The following PTPRJ variants were observed in gnomAD, a reference collection of about 807,000 sequenced individuals.
PTPRJ encodes protein tyrosine phosphatase receptor type J.
PTPRJ carries 129 observed loss-of-function variants against 141.3 expected under a neutral mutation model. That is an observed-to-expected ratio of 0.91 (90% confidence interval 0.79 to 1.06). PTPRJ has a LOEUF of 1.06. Among genes scored for constraint, PTPRJ ranks in the 50% least tolerant of loss-of-function variants. The pLI is 0.00. For missense variants in PTPRJ, 1,601 were observed against 1,679.7 expected, an observed-to-expected ratio of 0.95 and a Z score of 0.82; for synonymous variants, 610 against 640.5, an observed-to-expected ratio of 0.95 and a Z score of 0.72.
intron 1 of PTPRJ, among the ~76,000 whole-genome samples, chr11:48,101,056 C>T (rs1459717090): frequency 1.3e-5 from 2 of 152,144 alleles, no homozygotes; most frequent in African/African-American, 4.8e-5. Flanking sequence ...ATCCCGCTGT[C>T]CTCAAAGTTC....
chr11:47,982,576 TAAAACA>T (rs1448952943), intron 1 of PTPRJ, among the ~76,000 whole-genome samples: 1 of 151,944 alleles, frequency 6.6e-6, no homozygotes, highest in Non-Finnish European at 1.5e-5. Flanking sequence ...AAGTTTATGC[TAAAACA>T]AAAACCACAA....
chr11:47,981,663 C>T (rs1421510825), intron 1 of PTPRJ, among the ~76,000 whole-genome samples: 1 of 152,216 alleles, frequency 6.6e-6, no homozygotes, highest in Non-Finnish European at 1.5e-5. Flanking sequence ...TGGGCGCTGG[C>T]TCCCCCTCCC....
rs869194701 is a variant in PTPRJ, at chr11:47,988,879, GTTTTTTTTTTTTT to G, written c.96+7885_96+7897del. 8.9e-4 allele frequency among the ~76,000 whole-genome samples: 68 copies of G among 76,340 alleles called. 1 individual carries two copies. The highest frequency in any genetic ancestry group is 9.0e-4 in the Non-Finnish European group (37 of 41,022). The allele number at this position is 76,340 out of a possible 152,430, so 50.1% of individuals were successfully genotyped here. The stretch of plus-strand genomic sequence containing the variant: ...TCTGAAAGGTGAAAAATTGTATCTT[GTTTTTTTTTTTTT>G]TTTTTTTTTTTTTGAGACGGAGTCT... On this transcript the variant is annotated intron_variant, in intron 1 of 24. Transcript: ENST00000418331.
At chr11:48,064,228 G>T (rs1855016484) in intron 1 of PTPRJ, among the ~76,000 whole-genome samples, 2 of 152,036 alleles carry the variant, frequency 1.3e-5, no homozygotes, top group African/African-American at 4.8e-5. Context: ...AATGGGTCCT[G>T]TTTCTTCTTC....
Position 48,041,877 on chromosome 11 carries a change from T to G in PTPRJ, c.96+60869T>G, listed in dbSNP as rs556782036. 6.6e-5 allele frequency among the ~76,000 whole-genome samples: 10 copies of G among 151,308 alleles called. No individual in the cohort carries two copies. In the South Asian group the frequency reaches 2.1e-3, roughly 32 times the overall value. ...ATTGGCCTGACTCAGCCTCCCAAAG[T>G]GTTGGGATTACAGGTATGAGCTACC... On this transcript the variant is annotated intron_variant, in intron 1 of 24. Transcript: ENST00000418331.
At chr11:48,145,787 G>C (rs1857337064) in intron 14 of PTPRJ, among the ~76,000 whole-genome samples, 1 of 152,058 alleles carries the variant, frequency 6.6e-6, no homozygotes. Flanking sequence ...TCGAACTCCT[G>C]ACCTCAGGTG....
At chr11:47,991,711 C>T (rs775736536) in intron 1 of PTPRJ, among the ~76,000 whole-genome samples, 1 of 152,098 alleles carries the variant, frequency 6.6e-6, no homozygotes. Flanking sequence ...GCTTAGTGCA[C>T]GGGCTTTGGA....
In PTPRJ at chr11:48,165,917, G is replaced by A. The variant is rs112911100; in HGVS notation, c.3856-1287G>A. Among the ~76,000 whole-genome samples, 1,171 of 151,484 alleles carry A rather than the reference G, an allele frequency of 7.7e-3. 17 individuals carry two copies. Among genetic ancestry groups the A allele is most frequent in the African/African-American group, 0.027 (1,130 of 41,120 alleles). ...TGCTCTGTCACCGGGCTGGATTGCA[G>A]TGGTGCGATCTCGGCTCACTGCAAC... On this transcript the variant is annotated intron_variant, in intron 24 of 24. Transcript: ENST00000418331.
chr11:48,126,955 C>G (rs1856852125), intron 6 of PTPRJ, among the ~76,000 whole-genome samples: 1 of 152,188 alleles, frequency 6.6e-6, no homozygotes, highest in Non-Finnish European at 1.5e-5. Flanking sequence ...ACCTCTAGGG[C>G]TGAAGGGCTA....
At position 48,130,408 on chromosome 11, in the gene PTPRJ, G is replaced by A. The variant is rs750066365; in HGVS notation, c.1358-51G>A. 6 of 1,537,624 alleles carry A rather than the reference G, an allele frequency of 3.9e-6. No homozygotes were observed. The South Asian group carries it at 7.4e-5, about 19-fold the overall frequency. ...GTATTTTCTGAGGTGGGGCATCCCT[G>A]TCTCCTGGAGAAGTATATTTTTAAT... On this transcript the variant is annotated intron_variant, in intron 7 of 24. Coordinates refer to ENST00000418331, the MANE Select transcript of PTPRJ (RefSeq NM_002843.4).
intron 1 of PTPRJ, among the ~76,000 whole-genome samples, chr11:48,088,864 A>G (rs1189562314): frequency 6.6e-6 from 1 of 151,438 alleles, no homozygotes; most frequent in Non-Finnish European, 1.5e-5. Context: ...TAGCAAATGC[A>G]CTCTCCACCC....
In PTPRJ at chr11:48,159,955, C is replaced by T. The variant is rs758917283; in HGVS notation, c.3464C>T (p.Ser1155Phe). The T allele has an allele frequency of 6.2e-7, 1 of 1,613,906 alleles. No homozygotes were observed. Among genetic ancestry groups the T allele is most frequent in the Admixed American group, 1.7e-5 (1 of 59,996 alleles). ...GRTKCEEYWPSKQAQDYGDIT... is the reference protein window; with the variant it reads ...GRTKCEEYWPFKQAQDYGDIT... The stretch of plus-strand genomic sequence containing the variant: ...ACCAAATGTGAGGAGTATTGGCCCT[C>T]CAAGCAGGCTCAGGACTATGGAGAC... Residue 1155 changes from serine (S) to phenylalanine (F), a missense_variant, in exon 22 of 25, where the codon TCC becomes TTC. By Grantham distance (155) the Ser-to-Phe change is radical (BLOSUM62 -2). Transcript: ENST00000418331.
intron 14 of PTPRJ, 116 bp downstream of exon 14, chr11:48,145,240 G>C: frequency 7.1e-7 from 1 of 1,405,560 alleles, no homozygotes; most frequent in Middle Eastern, 2.6e-4. Context: ...GGTGTGCCCA[G>C]CTCTCCCCTC....
intron 1 of PTPRJ, among the ~76,000 whole-genome samples, chr11:48,064,090 T>TTTTTAATCA (rs1390009539): frequency 6.6e-6 from 1 of 152,150 alleles, no homozygotes; most frequent in African/African-American, 2.4e-5. Context: ...ACTTAATCAT[T>TTTTTAATCA]TTTTAGGCCT....
chr11:48,030,436 C>T (rs1239179077), intron 1 of PTPRJ, among the ~76,000 whole-genome samples: 1 of 152,180 alleles, frequency 6.6e-6, no homozygotes, highest in Non-Finnish European at 1.5e-5. Flanking sequence ...GCTGCTGGGG[C>T]TCCATCCCCC....
Position 48,160,020 on chromosome 11 carries a change from T to G in PTPRJ, c.3529T>G (p.Trp1177Gly). The change falls in exon 22 of 25, where the codon TGG becomes GGG. Residue 1177 changes from tryptophan (W) to glycine (G), a missense_variant. Coordinates refer to ENST00000418331, the MANE Select transcript of PTPRJ (RefSeq NM_002843.4). ...GACATCAGAAATTGTTCTTCCGGAA[T>G]GGACCATCAGAGATTTCACAGTGAA... The part of the protein sequence containing the change: ...AMTSEIVLPE[W>G]TIRDFTVKNI... 6.2e-7 allele frequency: 1 copy of G among 1,614,024 alleles called. No homozygotes were observed. The highest frequency in any genetic ancestry group is 8.5e-7 in the Non-Finnish European group (1 of 1,179,884).
intron 1 of PTPRJ, among the ~76,000 whole-genome samples, chr11:48,045,830 A>C (rs1198016615): frequency 6.6e-6 from 1 of 152,060 alleles, no homozygotes; most frequent in Non-Finnish European, 1.5e-5. Context: ...GGTACTTAAC[A>C]AGTTTGGTTC....
intron 8 of PTPRJ, 84 bp from the exon 9 acceptor site, chr11:48,135,955 C>A (rs1857091161): frequency 2.0e-6 from 3 of 1,475,820 alleles, no homozygotes; most frequent in Admixed American, 1.9e-5. Context: ...GGCAAAAGAG[C>A]AGGTCCTCTC....
chr11:47,991,123 G>A (rs981718134), intron 1 of PTPRJ, among the ~76,000 whole-genome samples: 2 of 152,116 alleles, frequency 1.3e-5, no homozygotes, highest in African/African-American at 4.8e-5. Flanking sequence ...TGTATAATAT[G>A]AAGCAGTGGA....
Sources: allele counts gnomAD v4.1 joint callset (sites outside exome capture counted in the v4.1 genomes callset), GRCh38; gene constraint gnomAD v4.1.1; transcripts MANE v1.5; gene names NCBI Gene and HGNC (gene_info 2026-07-23, HGNC 2026-07-21).